ABCA13: variants seen among roughly 807,000 people sequenced by gnomAD.
ABCA13 encodes ATP binding cassette subfamily A member 13.
In ABCA13, 476 loss-of-function variants were observed where a neutral mutation model predicts 478.7. The ratio of observed to expected loss-of-function variants is 0.99; its 90% CI spans 0.92 to 1.07. The LOEUF is 1.07. Among genes scored for constraint, ABCA13 ranks in the 50% least tolerant of loss-of-function variants. The probability of loss-of-function intolerance (pLI) is 0.00; values close to 1 mark genes in which losing one functional copy is unlikely to be tolerated. For missense variants in ABCA13, 6,060 were observed against 5,910.6 expected (o/e 1.03, Z -0.83); for synonymous variants, 2,252 against 2,158.9 (o/e 1.04, Z -1.20).
chr7:48,552,304 C>T (rs1277663562), intron 55 of ABCA13, among the ~76,000 whole-genome samples: 1 of 151,798 alleles, frequency 6.6e-6, no homozygotes, highest in East Asian at 1.9e-4. Flanking sequence ...TATTCAGATA[C>T]ATGTTTTGCT....
At chr7:48,389,432 T>C (rs1195648743) in intron 37 of ABCA13, among the ~76,000 whole-genome samples, 3 of 152,190 alleles carry the variant, frequency 2.0e-5, no homozygotes, top group Non-Finnish European at 2.9e-5. Context: ...ACTGTAGGCC[T>C]GGGGCTCAGT....
chr7:48,496,455 A>G (rs1788325288), intron 48 of ABCA13, among the ~76,000 whole-genome samples: 1 of 152,238 alleles, frequency 6.6e-6, no homozygotes, highest in Non-Finnish European at 1.5e-5. Context: ...TAGTTAAGTC[A>G]CCAAATATGA....
chr7:48,311,253 T>A (rs1328341093), intron 24 of ABCA13, among the ~76,000 whole-genome samples: 12 of 152,050 alleles, frequency 7.9e-5, no homozygotes, highest in Admixed American at 6.6e-4. Flanking sequence ...AATGTTGGAA[T>A]GAACACACAC....
chr7:48,630,165 T>G (rs1278508229), intron 59 of ABCA13, among the ~76,000 whole-genome samples: 3 of 152,140 alleles, frequency 2.0e-5, no homozygotes, highest in Non-Finnish European at 1.5e-5. Flanking sequence ...TTATTAATTT[T>G]TAAAAAATTT....
At chr7:48,301,568 C>A (rs1037225423) in intron 23 of ABCA13, among the ~76,000 whole-genome samples, 1 of 151,034 alleles carries the variant, frequency 6.6e-6, no homozygotes, top group Non-Finnish European at 1.5e-5. Flanking sequence ...TAATGTGTGA[C>A]TAGAGTTATG....
chr7:48,546,908 C>T (rs1033213902), intron 55 of ABCA13, among the ~76,000 whole-genome samples: 5 of 151,686 alleles, frequency 3.3e-5, no homozygotes, highest in African/African-American at 4.8e-5. Flanking sequence ...TAGTTTGAAT[C>T]ATAACCTCAC....
At chr7:48,212,806 T>G (rs1785872742) in intron 3 of ABCA13, among the ~76,000 whole-genome samples, 1 of 152,172 alleles carries the variant, frequency 6.6e-6, no homozygotes, top group Non-Finnish European at 1.5e-5. Flanking sequence ...TTCTTAGAGT[T>G]TTTTTACATA....
intron 58 of ABCA13, among the ~76,000 whole-genome samples, chr7:48,608,226 A>G (rs1307966017): frequency 6.6e-6 from 1 of 152,214 alleles, no homozygotes; most frequent in Non-Finnish European, 1.5e-5. Flanking sequence ...CTGTTTATGC[A>G]TAGGCTAGTT....
At chr7:48,242,396 C>T (rs978838592) in intron 10 of ABCA13, among the ~76,000 whole-genome samples, 1 of 152,054 alleles carries the variant, frequency 6.6e-6, no homozygotes. Context: ...AGATGAGGCC[C>T]AAACACTGGC....
chr7:48,289,594 C>T (rs920451324), intron 20 of ABCA13, among the ~76,000 whole-genome samples: 6 of 151,988 alleles, frequency 3.9e-5, no homozygotes, highest in Non-Finnish European at 7.4e-5. Context: ...CTCCTGATCT[C>T]GTGATCTGCC....
intron 1 of ABCA13, among the ~76,000 whole-genome samples, chr7:48,172,797 C>CAAAAAAAAAAAAAAAAAAAAAAAAAAA (rs36196847): frequency 1.3e-5 from 1 of 75,512 alleles, no homozygotes; most frequent in African/African-American, 5.4e-5. Context: ...GACTCCGTCT[C>CAAAAAAAAAAAAAAAAAAAAAAAAAAA]AAAAAAAAAA....
chr7:48,380,961 C>T (rs559535900), intron 35 of ABCA13, among the ~76,000 whole-genome samples: 1 of 152,218 alleles, frequency 6.6e-6, no homozygotes. Context: ...GGGACAGACT[C>T]TCTCCCGAAG....
At position 48,273,022 on chromosome 7, in the gene ABCA13, C is replaced by A; in HGVS notation, c.3356C>A (p.Ser1119Ter). 6.2e-7 allele frequency: 1 copy of A among 1,613,656 alleles called. No homozygotes were observed. Among genetic ancestry groups the A allele is most frequent in the Non-Finnish European group, 8.5e-7 (1 of 1,179,738 alleles). Reference sequence around the variant, plus strand: ...AATTATTCAACAAGTGAGGAGTCTTCATTTGTTTTTCCATTGGCACAAATT... The same window carrying A: ...AATTATTCAACAAGTGAGGAGTCTTAATTTGTTTTTCCATTGGCACAAATT... ...SVNYSTSEES[S>*]FVFPLAQIFS... Residue 1119 changes from serine to a stop codon, truncating the protein, a stop_gained, in exon 17 of 62, where the codon TCA becomes TAA. Coordinates refer to ENST00000435803, the MANE Select transcript of ABCA13 (RefSeq NM_152701.5). LOFTEE classifies it high-confidence loss of function.
intron 42 of ABCA13, among the ~76,000 whole-genome samples, chr7:48,452,628 A>C (rs1244358497): frequency 1.3e-5 from 2 of 152,224 alleles, no homozygotes; most frequent in Middle Eastern, 3.2e-3. Flanking sequence ...GAAGGTGCAC[A>C]GTTTGGCAGG....
At chr7:48,383,309 A>G (rs1814681695) in intron 35 of ABCA13, among the ~76,000 whole-genome samples, 2 of 152,184 alleles carry the variant, frequency 1.3e-5, no homozygotes, top group South Asian at 4.1e-4. Flanking sequence ...TGCTGCATGA[A>G]TATGTGCATG....
At position 48,372,148 on chromosome 7, in the gene ABCA13, G is replaced by GT. The variant is rs750149720; in HGVS notation, c.10804-14dup. The GT allele has an allele frequency of 1.0e-4, 164 of 1,597,418 alleles. No individual in the cohort carries two copies. In the African/African-American group the frequency reaches 2.0e-3, roughly 19 times the overall value. ...AGTACGCATGCTGTGGTAACCTTGG[G>GT]TTTTTTCTCTTTTTGGTAGTATATG... On this transcript the variant is annotated intron_variant, in intron 32 of 61. Coordinates refer to ENST00000435803, the MANE Select transcript of ABCA13 (RefSeq NM_152701.5).
chr7:48,250,308 T>G (rs1792350014), intron 15 of ABCA13, among the ~76,000 whole-genome samples: 2 of 152,158 alleles, frequency 1.3e-5, no homozygotes, highest in South Asian at 2.1e-4. Context: ...TATGTAGGCA[T>G]GATATATTAA....
At chr7:48,397,987 G>C (rs1164494828) in intron 38 of ABCA13, among the ~76,000 whole-genome samples, 2 of 152,194 alleles carry the variant, frequency 1.3e-5, no homozygotes, top group Non-Finnish European at 2.9e-5. Flanking sequence ...TTCACATCTT[G>C]TGCTGTCTTC....
intron 23 of ABCA13, among the ~76,000 whole-genome samples, chr7:48,302,137 G>A (rs1028764924): frequency 2.4e-4 from 37 of 152,258 alleles, no homozygotes; most frequent in Middle Eastern, 6.8e-3. Flanking sequence ...AACTTGAACT[G>A]TGTTATTCTT....
Sources: gnomAD v4.1 joint callset for allele counts (sites outside exome capture counted in the v4.1 genomes callset) on GRCh38, gnomAD v4.1.1 for gene constraint, MANE v1.5 for transcripts, NCBI Gene and HGNC (gene_info 2026-07-23, HGNC 2026-07-21) for gene names.